The following TXNDC9 variants were observed in gnomAD, a reference collection of about 807,000 sequenced individuals.
TXNDC9 encodes the protein thioredoxin domain-containing protein 9.
A neutral mutation model predicts 23.0 loss-of-function variants in TXNDC9; 7 were observed. That is an observed-to-expected ratio of 0.30 (90% confidence interval 0.17 to 0.57). TXNDC9 has a LOEUF of 0.57. TXNDC9 is among the 20% of genes least tolerant of loss of function. TXNDC9 has a pLI of 0.90. For synonymous variants in TXNDC9, 72 were observed against 90.6 expected (o/e 0.79, Z 1.17); for missense variants, 198 against 252.6 (o/e 0.78, Z 1.47).
At chr2:99,327,398 A>G (rs565825266) in intron 3 of TXNDC9, 137 bp downstream of exon 3, 3 of 666,140 alleles carry the variant, frequency 4.5e-6, no homozygotes, top group African/African-American at 3.7e-5. Context: ...ACTAAATAAC[A>G]TATGAGAGAG....
downstream of TXNDC9, among the ~76,000 whole-genome samples, chr2:99,314,441 T>C (rs1411814141): frequency 1.3e-5 from 2 of 152,084 alleles, no homozygotes. Context: ...TTATATAGCA[T>C]TTACAATGTG....
downstream of TXNDC9, chr2:99,318,902 G>C (rs1234200875): frequency 6.6e-6 from 1 of 152,244 alleles, no homozygotes; most frequent in Admixed American, 6.5e-5. Flanking sequence ...CCAGGATTGG[G>C]AACTGGAGAG....
chr2:99,308,164 A>G, the TXNDC9 span, among the ~76,000 whole-genome samples: 1 of 151,970 alleles, frequency 6.6e-6, no homozygotes, highest in African/African-American at 2.4e-5. Context: ...CAAAAACGCA[A>G]ATGGGAAAAG....
the TXNDC9 span, among the ~76,000 whole-genome samples, chr2:99,308,153 T>C: frequency 6.6e-6 from 1 of 152,066 alleles, no homozygotes; most frequent in African/African-American, 2.4e-5. Context: ...TTCTGAACTC[T>C]CAAAAACGCA....
At chr2:99,315,014 G>C (rs1427708274), downstream of TXNDC9, among the ~76,000 whole-genome samples, 7 of 147,812 alleles carry the variant, frequency 4.7e-5, no homozygotes, top group Non-Finnish European at 1.0e-4. Context: ...TCCTGCCTCA[G>C]CCTCCCGAGT....
At chr2:99,310,133 C>T in the TXNDC9 span, among the ~76,000 whole-genome samples, 1 of 152,154 alleles carries the variant, frequency 6.6e-6, no homozygotes, top group African/African-American at 2.4e-5. Context: ...CATCACAATG[C>T]CTGGCATGTA....
At chr2:99,324,795 G>C (rs563869112) in intron 3 of TXNDC9, among the ~76,000 whole-genome samples, 100 of 152,282 alleles carry the variant, frequency 6.6e-4, no homozygotes, top group Non-Finnish European at 1.3e-3. Context: ...TGCCAGGCTG[G>C]AGTGCAGTGG....
chr2:99,315,972 T>C (rs2094187993), downstream of TXNDC9, among the ~76,000 whole-genome samples: 1 of 152,098 alleles, frequency 6.6e-6, no homozygotes, highest in South Asian at 2.1e-4. Flanking sequence ...CTTGTCAATT[T>C]TTGCAAAAAG....
intron 4 of TXNDC9, among the ~76,000 whole-genome samples, chr2:99,320,337 T>G (rs2094198574): frequency 1.3e-5 from 2 of 152,158 alleles, no homozygotes; most frequent in Non-Finnish European, 2.9e-5. Flanking sequence ...AATTATGGAT[T>G]AACATTTGGT....
At chr2:99,335,279 C>A (rs1031367719) in intron 1 of TXNDC9, among the ~76,000 whole-genome samples, 1 of 152,156 alleles carries the variant, frequency 6.6e-6, no homozygotes, top group African/African-American at 2.4e-5. Context: ...CCTCTATAAA[C>A]GTTGAGCTGA....
the TXNDC9 span, among the ~76,000 whole-genome samples, chr2:99,313,944 GTTAC>G: frequency 1.9e-4 from 29 of 152,076 alleles, no homozygotes; most frequent in African/African-American, 6.8e-4. Context: ...TTCCAGTGTA[GTTAC>G]TTTTTAGTAT....
downstream of TXNDC9, among the ~76,000 whole-genome samples, chr2:99,317,384 T>C (rs971910667): frequency 2.6e-5 from 4 of 152,128 alleles, no homozygotes; most frequent in African/African-American, 9.7e-5. Flanking sequence ...GCATTTCTTC[T>C]TGTTTAGTTT....
chr2:99,319,886 G>GT (rs1457592490), intron 4 of TXNDC9, 87 bp from the exon 5 acceptor site: 2 of 801,668 alleles, frequency 2.5e-6, no homozygotes, highest in African/African-American at 3.6e-5. Flanking sequence ...TTTTCTTCCT[G>GT]TAACATAGAA....
the TXNDC9 span, among the ~76,000 whole-genome samples, chr2:99,312,510 AAAAG>A: frequency 7.9e-5 from 12 of 151,962 alleles, no homozygotes; most frequent in African/African-American, 2.7e-4. Flanking sequence ...AAAAAAAAAA[AAAAG>A]AAAGAAAATA....
intron 1 of TXNDC9, among the ~76,000 whole-genome samples, chr2:99,335,900 G>A (rs924174202): frequency 1.3e-5 from 2 of 152,214 alleles, no homozygotes; most frequent in African/African-American, 4.8e-5. Flanking sequence ...CGCTGGAAGG[G>A]TGGGACGGGA....
the TXNDC9 span, among the ~76,000 whole-genome samples, chr2:99,309,873 A>G: frequency 6.6e-6 from 1 of 150,760 alleles, no homozygotes; most frequent in Non-Finnish European, 1.5e-5. Context: ...TTTAGTAGAG[A>G]TGGGGTTTCA....
chr2:99,328,254 C>T (rs145311683), intron 2 of TXNDC9, among the ~76,000 whole-genome samples: 329 of 118,512 alleles, frequency 2.8e-3, no homozygotes, highest in Non-Finnish European at 3.7e-3. Context: ...TGCCACACCA[C>T]GCCTGGCATT....
chr2:99,336,165 G>T, intron 1 of TXNDC9, 74 bp downstream of exon 1: 1 of 975,810 alleles, frequency 1.0e-6, no homozygotes, highest in Non-Finnish European at 1.2e-6. Context: ...CCTCCGCTCC[G>T]GATGTGGAGC....
chr2:99,319,614 A>G lies in TXNDC9; in HGVS notation c.*68T>C. 2 of 1,211,834 alleles carry G rather than the reference A, an allele frequency of 1.7e-6. No individual in the cohort carries two copies. The highest frequency in any genetic ancestry group is 2.4e-6 in the Non-Finnish European group (2 of 839,368). The allele number at this position is 1,211,834 out of a possible 1,614,324, so 75.1% of individuals were successfully genotyped here. A position where few individuals can be genotyped will look rare whatever the true frequency, so the allele number is the denominator to read the frequency against. On this transcript the variant is annotated 3_prime_UTR_variant, in exon 5 of 5. Coordinates refer to ENST00000264255, the MANE Select transcript of TXNDC9 (RefSeq NM_005783.4). ...AGGTGACCAATGTATAGACATTAAT[A>G]GAATTTTAAAAACACATTTAAATCT...
Sources: allele counts gnomAD v4.1 joint callset (sites outside exome capture counted in the v4.1 genomes callset), GRCh38; gene constraint gnomAD v4.1.1; transcripts MANE v1.5; gene names NCBI Gene and HGNC (gene_info 2026-07-23, HGNC 2026-07-21).